DLG2: variants seen among roughly 807,000 people sequenced by gnomAD.
DLG2 encodes disks large homolog 2.
DLG2 carries 45 observed loss-of-function variants against 132.5 expected under a neutral mutation model. That is an observed-to-expected ratio of 0.34 (90% confidence interval 0.27 to 0.44). DLG2 has a LOEUF of 0.44. Ranked by LOEUF, DLG2 falls within the 20% of genes least tolerant of loss-of-function variation. The pLI is 1.00. For missense variants in DLG2, 1,045 were observed against 1,196.9 expected (o/e 0.87, Z 1.87); for synonymous variants, 424 against 419.6 (o/e 1.01, Z -0.13).
chr11:85,596,366 C>T (rs1165180041), intron 3 of DLG2, among the ~76,000 whole-genome samples: 2 of 151,952 alleles, frequency 1.3e-5, no homozygotes, highest in East Asian at 1.9e-4. Flanking sequence ...CCAGCCTGAG[C>T]GACAGAGCGA....
At chr11:85,425,259 A>G (rs955769198) in intron 3 of DLG2, among the ~76,000 whole-genome samples, 1 of 152,212 alleles carries the variant, frequency 6.6e-6, no homozygotes, top group African/African-American at 2.4e-5. Context: ...ACTAATACAA[A>G]AAAGAATGCA....
intron 7 of DLG2, among the ~76,000 whole-genome samples, chr11:84,310,673 G>A (rs1169458978): frequency 1.3e-5 from 2 of 152,182 alleles, no homozygotes; most frequent in African/African-American, 4.8e-5. Flanking sequence ...CTGGGGGACA[G>A]CTGCTATTTC....
intron 19 of DLG2, among the ~76,000 whole-genome samples, chr11:83,615,715 G>T (rs776104708): frequency 1.6e-4 from 25 of 152,170 alleles, no homozygotes; most frequent in Non-Finnish European, 3.1e-4. Flanking sequence ...ATGGAAGAAG[G>T]GGGCCACGAG....
chr11:85,519,211 C>T (rs976716028), intron 3 of DLG2, among the ~76,000 whole-genome samples: 1 of 152,136 alleles, frequency 6.6e-6, no homozygotes, highest in African/African-American at 2.4e-5. Context: ...AATGGTAGAT[C>T]CACTGACAGC....
intron 3 of DLG2, among the ~76,000 whole-genome samples, chr11:85,539,732 C>T (rs1598378383): frequency 1.3e-5 from 2 of 152,050 alleles, no homozygotes; most frequent in Admixed American, 1.3e-4. Flanking sequence ...TGTGTACCCA[C>T]AAAAATGTTA....
At chr11:83,890,469 C>T (rs941257731) in intron 15 of DLG2, among the ~76,000 whole-genome samples, 1 of 152,052 alleles carries the variant, frequency 6.6e-6, no homozygotes, top group African/African-American at 2.4e-5. Flanking sequence ...TCAGTTGTTA[C>T]TGTCCTCTCC....
chr11:83,977,764 C>A (rs1464448553), intron 12 of DLG2, among the ~76,000 whole-genome samples: 2 of 152,038 alleles, frequency 1.3e-5, no homozygotes, highest in Non-Finnish European at 2.9e-5. Flanking sequence ...AAGTTCACAC[C>A]CTAACTCGAC....
chr11:83,466,565 A>G (rs1393675485), intron 26 of DLG2, 143 bp downstream of exon 26: 2 of 512,306 alleles, frequency 3.9e-6, no homozygotes, highest in African/African-American at 1.9e-5. Context: ...ACTTTGATAT[A>G]TCTTCAAAAA....
At chr11:84,288,997 C>T (rs933386811) in intron 7 of DLG2, among the ~76,000 whole-genome samples, 2 of 152,014 alleles carry the variant, frequency 1.3e-5, no homozygotes, top group Admixed American at 6.6e-5. Flanking sequence ...ATTAAAAAGT[C>T]GAAAAGCAAG....
At chr11:84,113,309 T>C (rs1251765607) in intron 9 of DLG2, among the ~76,000 whole-genome samples, 2 of 152,194 alleles carry the variant, frequency 1.3e-5, no homozygotes, top group Non-Finnish European at 2.9e-5. Flanking sequence ...CATGGTTTTC[T>C]ATAGAAAAAT....
At chr11:85,200,348 A>T (rs2081373635) in intron 4 of DLG2, among the ~76,000 whole-genome samples, 1 of 152,198 alleles carries the variant, frequency 6.6e-6, no homozygotes, top group African/African-American at 2.4e-5. Context: ...TTGACAGTGA[A>T]TCTAAGAGTT....
At chr11:84,877,721 T>G (rs1278530381) in intron 6 of DLG2, among the ~76,000 whole-genome samples, 16 of 151,872 alleles carry the variant, frequency 1.1e-4, no homozygotes. Flanking sequence ...TTGTTATGTG[T>G]GAATTAAACT....
chr11:84,449,091 A>G (rs2099043984), intron 7 of DLG2, among the ~76,000 whole-genome samples: 1 of 151,916 alleles, frequency 6.6e-6, no homozygotes, highest in Non-Finnish European at 1.5e-5. Flanking sequence ...AGTGCTTCAG[A>G]AAACACCATT....
At chr11:85,338,899 T>C (rs2082304096) in intron 3 of DLG2, among the ~76,000 whole-genome samples, 2 of 151,754 alleles carry the variant, frequency 1.3e-5, no homozygotes, top group South Asian at 4.2e-4. Flanking sequence ...AGAGACGGGG[T>C]TTCACCGTGG....
rs138430783 is a variant in DLG2 at position 83,633,252 on chromosome 11, G to A, written c.1899C>T (p.Ser633=). Residue 633 remains serine, a synonymous_variant, in exon 19 of 28, where the codon TCC becomes TCT. Transcript: ENST00000376104. ...QMMNHSMSSG[S]GSLRTNQKRS... ...GTTTCTGATTGGTTCGCAGGGATCC[G>A]GACCCGGAGCTCATGCTGTGGTTCA... The A allele has an allele frequency of 3.1e-6, 5 of 1,613,684 alleles. No homozygotes were observed. The highest frequency in any genetic ancestry group is 3.4e-6 in the Non-Finnish European group (4 of 1,179,748).
chr11:84,369,185 G>A (rs1035400601), intron 7 of DLG2, among the ~76,000 whole-genome samples: 1 of 151,684 alleles, frequency 6.6e-6, no homozygotes, highest in African/African-American at 2.4e-5. Context: ...AAATCTGTGA[G>A]TTTAGGTATT....
chr11:85,304,562 C>T (rs1013373735), intron 3 of DLG2, among the ~76,000 whole-genome samples: 6 of 152,056 alleles, frequency 3.9e-5, no homozygotes, highest in Non-Finnish European at 7.4e-5. Flanking sequence ...TTTTTGAGTG[C>T]CAATATGATG....
intron 16 of DLG2, among the ~76,000 whole-genome samples, chr11:83,842,681 T>C (rs2057855912): frequency 1.3e-5 from 2 of 151,714 alleles, no homozygotes; most frequent in African/African-American, 4.8e-5. Context: ...CCGGGCATGG[T>C]GGCGGGTGCC....
chr11:84,555,519 G>T (rs1565288269), intron 6 of DLG2, among the ~76,000 whole-genome samples: 2 of 152,088 alleles, frequency 1.3e-5, no homozygotes, highest in Non-Finnish European at 2.9e-5. Flanking sequence ...CTACAATATG[G>T]ACATATCTTA....
Sources: gnomAD v4.1 joint callset for allele counts (sites outside exome capture counted in the v4.1 genomes callset) on GRCh38, gnomAD v4.1.1 for gene constraint, MANE v1.5 for transcripts, NCBI Gene and HGNC (gene_info 2026-07-23, HGNC 2026-07-21) for gene names.